Variants in FNDC1 observed in about 807,000 individuals in gnomAD.
FNDC1 encodes the protein fibronectin type III domain-containing protein 1.
A neutral mutation model predicts 168.0 loss-of-function variants in FNDC1; 96 were observed. The ratio of observed to expected loss-of-function variants is 0.57; its 90% CI spans 0.48 to 0.68. The LOEUF (loss-of-function observed/expected upper bound fraction) is 0.68. Ranked by LOEUF, FNDC1 falls within the 30% of genes least tolerant of loss-of-function variation. FNDC1 has a pLI of 0.00. For synonymous variants in FNDC1, 1,099 were observed against 1,025.9 expected, an observed-to-expected ratio of 1.07 and a Z score of -1.36; for missense variants, 2,587 against 2,482.1, an observed-to-expected ratio of 1.04 and a Z score of -0.90.
At chr6:159,205,998 G>T (rs12203580) in intron 4 of FNDC1, among the ~76,000 whole-genome samples, 22,194 of 152,282 alleles carry the variant, frequency 0.15, 1,798 homozygotes, top group African/African-American at 0.21. Flanking sequence ...CCCCCTTGTT[G>T]GGTGTCCTCC....
chr6:159,245,353 T>C (rs1233478360), intron 14 of FNDC1, among the ~76,000 whole-genome samples: 1 of 152,210 alleles, frequency 6.6e-6, no homozygotes, highest in African/African-American at 2.4e-5. Flanking sequence ...ACAGAAGACA[T>C]CTGGGAAATC....
At chr6:159,230,518 G>A (rs577662741) in intron 10 of FNDC1, among the ~76,000 whole-genome samples, 4 of 152,278 alleles carry the variant, frequency 2.6e-5, no homozygotes, top group African/African-American at 9.6e-5. Flanking sequence ...ACCTGCACGT[G>A]CAGCCCCTGA....
intron 1 of FNDC1, among the ~76,000 whole-genome samples, chr6:159,184,223 C>T (rs547306394): frequency 1.3e-5 from 2 of 152,320 alleles, no homozygotes; most frequent in African/African-American, 4.8e-5. Context: ...ATTGCCAGTT[C>T]CTTGCTTAGA....
At position 159,215,149 on chromosome 6, in the gene FNDC1, T is replaced by G; in HGVS notation, c.665T>G (p.Leu222Arg). 6.2e-7 allele frequency: 1 copy of G among 1,613,126 alleles called. No individual in the cohort carries two copies. The highest frequency in any genetic ancestry group is 8.5e-7 in the Non-Finnish European group (1 of 1,179,076). ...RDERTHEIKK[L>R]ASESVYVVSL... ...GAACGGACACACGAAATTAAAAAGC[T>G]AGGTGAGTTTCATATTCATTGGTAT... The change falls in exon 5 of 23, where the codon CTA (leucine) becomes CGA (arginine). Residue 222 changes from leucine (L) to arginine (R), a missense_variant and splice_region_variant. Coordinates refer to ENST00000297267, the MANE Select transcript of FNDC1 (RefSeq NM_032532.3).
At chr6:159,189,157 A>G (rs918492577) in intron 1 of FNDC1, among the ~76,000 whole-genome samples, 19 of 152,166 alleles carry the variant, frequency 1.2e-4, no homozygotes, top group African/African-American at 3.6e-4. Flanking sequence ...TCCAGAATTC[A>G]TTGGTTCTTG....
chr6:159,201,912 T>C (rs990885242), intron 4 of FNDC1, among the ~76,000 whole-genome samples: 3 of 152,252 alleles, frequency 2.0e-5, no homozygotes, highest in African/African-American at 7.2e-5. Flanking sequence ...TTTCTTGCTT[T>C]TTCAGAAGTA....
At chr6:159,251,582 G>A in intron 17 of FNDC1, 50 bp downstream of exon 17, 1 of 1,510,062 alleles carries the variant, frequency 6.6e-7, no homozygotes, top group Non-Finnish European at 9.1e-7. Context: ...GGTGGGAAAT[G>A]TGGACAATAA....
At chr6:159,219,136 G>T (rs1782767455) in intron 5 of FNDC1, among the ~76,000 whole-genome samples, 1 of 152,058 alleles carries the variant, frequency 6.6e-6, no homozygotes, top group African/African-American at 2.4e-5. Flanking sequence ...CCCCTCCCGG[G>T]TTTAAGAGAT....
At position 159,215,011 on chromosome 6, in the gene FNDC1, C is replaced by T. The variant is rs375559248; in HGVS notation, c.527C>T (p.Ala176Val). 2.0e-5 allele frequency: 32 copies of T among 1,613,866 alleles called. No homozygotes were observed. Among genetic ancestry groups the T allele is most frequent in the Non-Finnish European group, 2.5e-5 (29 of 1,179,888 alleles). Residue 176 changes from alanine to valine, a missense_variant, in exon 5 of 23, where the codon GCG becomes GTG. Physicochemically the swap from Ala to Val is moderately conservative, Grantham distance 64. Coordinates refer to ENST00000297267, the MANE Select transcript of FNDC1 (RefSeq NM_032532.3). ...VRSSDDRLSV[A>V]WKAPRLSGAK... is the part of the protein sequence containing the mutation. ...TCCTCAGATGACAGGCTGTCCGTTG[C>T]GTGGAAGGCACCACGCCTGTCTGGA... is the stretch of plus-strand genomic sequence containing the variant.
Position 159,232,891 on chromosome 6 carries a change from T to C in FNDC1, c.2379T>C (p.Asp793=). 1 of 1,613,052 alleles carries C rather than the reference T, an allele frequency of 6.2e-7. No individual in the cohort carries two copies. Among genetic ancestry groups the C allele is most frequent in the East Asian group, 2.2e-5 (1 of 44,864 alleles). ...ATGGTGAAAGCCACGGTGACGGCGA[T>C]AGGGAAGACGGCGGAAGGCAGGCGG... ...ASDGESHGDG[D]REDGGRQAEA... is the part of the protein sequence containing the mutation. The change falls in exon 11 of 23, where the codon GAT becomes GAC. Residue 793 remains aspartate, a synonymous_variant. Coordinates refer to ENST00000297267, the MANE Select transcript of FNDC1 (RefSeq NM_032532.3). The surrounding 1 kb of genome is among the most constrained non-coding windows in gnomAD (Gnocchi z 4.9).
chr6:159,214,374 A>G (rs1444136036), intron 4 of FNDC1, among the ~76,000 whole-genome samples: 1 of 152,238 alleles, frequency 6.6e-6, no homozygotes, highest in African/African-American at 2.4e-5. Context: ...AAAAAAAACA[A>G]CAGACACAGA....
chr6:159,185,285 A>C (rs1434371041), intron 1 of FNDC1, among the ~76,000 whole-genome samples: 3 of 152,228 alleles, frequency 2.0e-5, no homozygotes, highest in Admixed American at 6.5e-5. Context: ...TGAAATTGTC[A>C]AAATTAAATT....
intron 12 of FNDC1, 141 bp downstream of exon 12, chr6:159,236,456 G>A: frequency 1.6e-6 from 1 of 616,008 alleles, no homozygotes; most frequent in Non-Finnish European, 2.8e-6. Flanking sequence ...TACTTGTATA[G>A]AGTTTATTTT....
Position 159,232,255 on chromosome 6 carries a change from G to A in FNDC1, c.1743G>A (p.Arg581=). Residue 581 remains arginine (R), a synonymous_variant, in exon 11 of 23, where the codon AGG becomes AGA. Transcript: ENST00000297267. This position sits in a 1 kb window ranked among gnomAD's most constrained non-coding sequence, Gnocchi z 4.9. The part of the protein sequence containing the change: ...RHGHSVVAPG[R]TAVRARMPAL... The stretch of plus-strand genomic sequence containing the variant: ...GCCACTCGGTGGTTGCTCCCGGCAG[G>A]ACTGCAGTGAGGGCCCGGATGCCAG... The A allele has an allele frequency of 6.2e-7, 1 of 1,611,210 alleles. No homozygotes were observed. Among genetic ancestry groups the A allele is most frequent in the Non-Finnish European group, 8.5e-7 (1 of 1,178,752 alleles).
At chr6:159,269,499 T>TATCCATCC (rs1329789906) in intron 22 of FNDC1, among the ~76,000 whole-genome samples, 2 of 87,328 alleles carry the variant, frequency 2.3e-5, no homozygotes, top group Admixed American at 1.3e-4. Flanking sequence ...TCTATCTATC[T>TATCCATCC]ATCCATCCAT....
rs1450370150 is a variant in FNDC1, at chr6:159,233,920, C to T, written c.3408C>T (p.Ala1136=). The change falls in exon 11 of 23, where the codon GCC becomes GCT. Residue 1136 remains alanine (A), a synonymous_variant. Coordinates refer to ENST00000297267, the MANE Select transcript of FNDC1 (RefSeq NM_032532.3). This position sits in a 1 kb window ranked among gnomAD's most constrained non-coding sequence, Gnocchi z 4.6. ...AGCGCGGACATGCGGCCTCCCCCGC[C>T]AGGCCCAGCCGACCCGGCGGCCCCC... is the stretch of plus-strand genomic sequence containing the variant. ...RSQRGHAASP[A]RPSRPGGPQS... is the part of the protein sequence containing the mutation. 1.9e-6 allele frequency: 3 copies of T among 1,549,916 alleles called. No homozygotes were observed. Among genetic ancestry groups the T allele is most frequent in the Non-Finnish European group, 1.7e-6 (2 of 1,146,568 alleles).
In FNDC1 at chr6:159,233,313, C is replaced by T; in HGVS notation, c.2801C>T (p.Ala934Val). 6.2e-7 allele frequency: 1 copy of T among 1,613,936 alleles called. No homozygotes were observed. Among genetic ancestry groups the T allele is most frequent in the Non-Finnish European group, 8.5e-7 (1 of 1,179,872 alleles). ...CCAGAGAACCCCAAATCCACAGGGGCAGATACACATCCTCAGGGCAAGTAC... is the reference window on the plus strand; with the variant it reads ...CCAGAGAACCCCAAATCCACAGGGGTAGATACACATCCTCAGGGCAAGTAC... ...PIPENPKSTG[A>V]DTHPQGKYSS... The change falls in exon 11 of 23, where the codon GCA (alanine) becomes GTA (valine). Residue 934 changes from alanine (A) to valine (V), a missense_variant. Physicochemically the swap from Ala to Val is moderately conservative, Grantham distance 64 (BLOSUM62 0). Coordinates refer to ENST00000297267, the MANE Select transcript of FNDC1 (RefSeq NM_032532.3). The surrounding 1 kb of genome is among the most constrained non-coding windows in gnomAD (Gnocchi z 4.6).
rs1375828543 is a variant in FNDC1 at position 159,251,481 on chromosome 6, T to A, written c.5014T>A (p.Ser1672Thr). The A allele has an allele frequency of 6.2e-7, 1 of 1,613,772 alleles. No homozygotes were observed. Among genetic ancestry groups the A allele is most frequent in the East Asian group, 2.2e-5 (1 of 44,876 alleles). The stretch of plus-strand genomic sequence containing the variant: ...CGTGGTGGCCGTGGAAGGTTGCCAC[T>A]CATTTGTCATTGTGGACTGGGACAA... ...ITVVAVEGCH[S>T]FVIVDWDKAT... Residue 1672 changes from serine to threonine, a missense_variant, in exon 17 of 23, where the codon TCA (serine) becomes ACA (threonine). Coordinates refer to ENST00000297267, the MANE Select transcript of FNDC1 (RefSeq NM_032532.3).
chr6:159,242,093 TCAA>T (rs1274176956), intron 14 of FNDC1, among the ~76,000 whole-genome samples: 1 of 152,096 alleles, frequency 6.6e-6, no homozygotes, highest in Non-Finnish European at 1.5e-5. Flanking sequence ...CAAATGCCCA[TCAA>T]CGATAGACTA....
Sources: allele counts gnomAD v4.1 joint callset (sites outside exome capture counted in the v4.1 genomes callset), GRCh38; gene constraint gnomAD v4.1.1; non-coding constraint Gnocchi (gnomAD v3.1); transcripts MANE v1.5; gene names NCBI Gene and HGNC (gene_info 2026-07-23, HGNC 2026-07-21).